The following APC variants were observed in gnomAD, a reference collection of about 807,000 sequenced individuals.
APC encodes APC regulator of Wnt signaling pathway, also known as adenomatous polyposis coli protein.
APC carries 72 observed loss-of-function variants against 247.0 expected under a neutral mutation model. That is an observed-to-expected ratio of 0.29 (90% confidence interval 0.24 to 0.35). APC has a LOEUF of 0.35. APC is among the 10% of genes least tolerant of loss of function. The probability of loss-of-function intolerance (pLI) is 1.00; values close to 1 mark genes in which losing one functional copy is unlikely to be tolerated. For synonymous variants in APC, 1,254 were observed against 1,162.5 expected, an observed-to-expected ratio of 1.08 and a Z score of -1.60; for missense variants, 3,400 against 3,360.7, an observed-to-expected ratio of 1.01 and a Z score of -0.29.
At chr5:112,798,735 A>G (rs1760471975) in intron 7 of APC, among the ~76,000 whole-genome samples, 1 of 152,210 alleles carries the variant, frequency 6.6e-6, no homozygotes, top group Non-Finnish European at 1.5e-5. Context: ...TCAGTGAAAG[A>G]ATAAAAAAAA....
intron 5 of APC, among the ~76,000 whole-genome samples, chr5:112,776,096 G>T (rs1318670111): frequency 6.6e-6 from 1 of 152,126 alleles, no homozygotes; most frequent in African/African-American, 2.4e-5. Flanking sequence ...TTTGTACTGT[G>T]TTGCAGGAAT....
intron 2 of APC, among the ~76,000 whole-genome samples, chr5:112,765,378 C>T (rs1312717050): frequency 2.6e-5 from 4 of 152,104 alleles, no homozygotes; most frequent in African/African-American, 9.7e-5. Flanking sequence ...CCTCCCAAAG[C>T]GTTGAGGTTA....
rs587780546 is a variant in APC, at chr5:112,841,943, C to A, written c.6349C>A (p.Gln2117Lys). The A allele has an allele frequency of 2.5e-6, 4 of 1,613,738 alleles. No homozygotes were observed. Among genetic ancestry groups the A allele is most frequent in the Non-Finnish European group, 3.4e-6 (4 of 1,179,878 alleles). The change falls in exon 16 of 16, where the codon CAA (glutamine) becomes AAA (lysine). Residue 2117 changes from glutamine to lysine, a missense_variant. By Grantham distance (53) the Gln-to-Lys change is moderately conservative (BLOSUM62 1). Around this residue, in one of 9 missense-constraint regions of APC, gnomAD observed 1,788 missense variants for 1,649.5 expected, o/e 1.08. Coordinates refer to ENST00000257430, the MANE Select transcript of APC (RefSeq NM_000038.6). This position sits in a 1 kb window ranked among gnomAD's most constrained non-coding sequence, Gnocchi z 4.6. ...GANSIVSSLH[Q>K]AAAAACLSRQ... The stretch of plus-strand genomic sequence containing the variant: ...AAATTCCATAGTAAGTAGTTTACAT[C>A]AAGCTGCTGCTGCTGCATGTTTATC...
At position 112,840,731 on chromosome 5, in the gene APC, T is replaced by C. The variant is rs1554086476; in HGVS notation, c.5137T>C (p.Leu1713=). ...AACCTCATCTGTAACCATACCTGAA[T>C]TGGATGACAATAAAGCAGAGGAAGG... ...GKTSSVTIPE[L]DDNKAEEGDI... is the part of the protein sequence containing the mutation. The change falls in exon 16 of 16, where the codon TTG becomes CTG. Residue 1713 remains leucine, a synonymous_variant. Transcript: ENST00000257430. This position sits in a 1 kb window ranked among gnomAD's most constrained non-coding sequence, Gnocchi z 4.1. The C allele has an allele frequency of 6.2e-7, 1 of 1,614,102 alleles. No homozygotes were observed. The highest frequency in any genetic ancestry group is 1.1e-5 in the South Asian group (1 of 91,082).
Position 112,776,169 on chromosome 5 carries a change from G to C in APC, c.531+432G>C, listed in dbSNP as rs458906. ...AATATTCTAGATATAAATGCCAATA[G>C]CTATAGCACGGATATTAGCATTTTT... is the stretch of plus-strand genomic sequence containing the variant. On this transcript the variant is annotated intron_variant, in intron 5 of 15. Transcript: ENST00000257430. Among the ~76,000 whole-genome samples the C allele has an allele frequency of 0.4, 61,116 of 152,026 alleles. 14,804 individuals are homozygous for C. Among genetic ancestry groups the C allele is most frequent in the East Asian group, 0.65 (3,343 of 5,178 alleles).
intron 11 of APC, among the ~76,000 whole-genome samples, chr5:112,825,702 AAAAG>A (rs781686830): frequency 2.0e-5 from 3 of 152,252 alleles, no homozygotes; most frequent in Non-Finnish European, 4.4e-5. Context: ...AATAAAAATA[AAAAG>A]AAAGATACAC....
At chr5:112,768,499 CA>C (rs971560658) in intron 4 of APC, among the ~76,000 whole-genome samples, 5 of 147,954 alleles carry the variant, frequency 3.4e-5, no homozygotes, top group African/African-American at 1.2e-4. Flanking sequence ...CAAGTGGCCA[CA>C]AATGAAATAC....
intron 9 of APC, among the ~76,000 whole-genome samples, chr5:112,817,640 A>G (rs550385069): frequency 4.6e-5 from 7 of 152,362 alleles, no homozygotes; most frequent in African/African-American, 1.7e-4. Context: ...ACTGGCAATT[A>G]GAATACTGTT....
chr5:112,837,412 A>AAAG (rs1179040039), intron 15 of APC, 141 bp from the exon 16 acceptor site: 11 of 652,818 alleles, frequency 1.7e-5, no homozygotes, highest in Non-Finnish European at 2.9e-5. Context: ...ATGAAATTAG[A>AAAG]ACAAAAGGAG....
chr5:112,724,537 A>G (rs1751665050), intron 1 of APC, among the ~76,000 whole-genome samples: 1 of 150,096 alleles, frequency 6.7e-6, no homozygotes, highest in African/African-American at 2.5e-5. Context: ...AGAAAGAGCA[A>G]TATATACGTA....
chr5:112,766,512 T>A, intron 3 of APC, 102 bp downstream of exon 3: 1 of 766,904 alleles, frequency 1.3e-6, no homozygotes, highest in South Asian at 1.5e-5. Context: ...GGTGTTGGTA[T>A]CAGTTTTCTT....
chr5:112,812,979 C>G (rs1762135725), intron 8 of APC, among the ~76,000 whole-genome samples: 1 of 152,020 alleles, frequency 6.6e-6, no homozygotes, highest in Admixed American at 6.6e-5. Flanking sequence ...TAGAAGTGTC[C>G]CTAGTCAGCA....
At chr5:112,730,146 A>G (rs957510691) in intron 1 of APC, among the ~76,000 whole-genome samples, 3 of 152,312 alleles carry the variant, frequency 2.0e-5, no homozygotes, top group Non-Finnish European at 4.4e-5. Context: ...TTCATTGTAG[A>G]TTCTAAAAGG....
intron 1 of APC, among the ~76,000 whole-genome samples, chr5:112,716,723 A>T (rs1751192440): frequency 6.6e-6 from 1 of 152,228 alleles, no homozygotes; most frequent in Admixed American, 6.5e-5. Flanking sequence ...CTATGCTATT[A>T]GATGCATAGA....
chr5:112,841,270 T>C lies in APC; in HGVS notation c.5676T>C (p.Ala1892=), dbSNP rs978239155. ...CAAAAGAAAATAAGGAATCAGAGGC[T>C]AAAGTTACCAGCCACACAGAACTAA... ...RKAKENKESE[A]KVTSHTELTS... is the part of the protein sequence containing the mutation. Residue 1892 remains alanine (A), a synonymous_variant, in exon 16 of 16, where the codon GCT becomes GCC. Coordinates refer to ENST00000257430, the MANE Select transcript of APC (RefSeq NM_000038.6). The surrounding 1 kb of genome is among the most constrained non-coding windows in gnomAD (Gnocchi z 4.6). 6 of 1,613,902 alleles carry C rather than the reference T, an allele frequency of 3.7e-6. No homozygotes were observed. The highest frequency in any genetic ancestry group is 5.1e-6 in the Non-Finnish European group (6 of 1,179,866).
At position 112,813,770 on chromosome 5, in the gene APC, AAAG is replaced by A. The variant is rs201363300; in HGVS notation, c.835-1722_835-1720del. Among the ~76,000 whole-genome samples, 1,501 of 151,982 alleles carry A rather than the reference AAAG, an allele frequency of 9.9e-3. 10 individuals carry two copies. The highest frequency in any genetic ancestry group is 0.014 in the Non-Finnish European group (919 of 67,968). On this transcript the variant is annotated intron_variant, in intron 8 of 15. Coordinates refer to ENST00000257430, the MANE Select transcript of APC (RefSeq NM_000038.6). ...TTGTCTCTAAAAAAAAAAAAAGAAA[AAAG>A]AAAAAAAAATCACCAAAAGTGAAAT...
intron 2 of APC, among the ~76,000 whole-genome samples, chr5:112,757,209 TA>T: frequency 6.6e-6 from 1 of 152,194 alleles, no homozygotes; most frequent in Non-Finnish European, 1.5e-5. Context: ...GTAATGAAAT[TA>T]TATCTCTTTT....
At chr5:112,837,076 TTCTAA>T (rs1283323982) in intron 15 of APC, among the ~76,000 whole-genome samples, 8 of 152,206 alleles carry the variant, frequency 5.3e-5, no homozygotes, top group Non-Finnish European at 1.0e-4. Flanking sequence ...AAAGTAAGTG[TTCTAA>T]TCTAAGAGCT....
intron 1 of APC, among the ~76,000 whole-genome samples, chr5:112,726,454 C>A (rs779024595): frequency 3.9e-5 from 6 of 152,202 alleles, no homozygotes; most frequent in Non-Finnish European, 7.3e-5. Context: ...TTCAAACATT[C>A]CTTTTCTTTT....
Sources: allele counts gnomAD v4.1 joint callset (sites outside exome capture counted in the v4.1 genomes callset), GRCh38; gene constraint gnomAD v4.1.1; regional missense constraint gnomAD v4.1.1; non-coding constraint Gnocchi (gnomAD v3.1); transcripts MANE v1.5; gene names NCBI Gene and HGNC (gene_info 2026-07-23, HGNC 2026-07-21).